The following MPST variants were observed in gnomAD, a reference collection of about 807,000 sequenced individuals.
MPST encodes mercaptopyruvate sulfurtransferase.
MPST carries 27 observed loss-of-function variants against 28.5 expected under a neutral mutation model. The observed-to-expected ratio is 0.95, with a 90% CI of 0.70 to 1.31. MPST has a LOEUF of 1.31. MPST is among the 50% of genes most tolerant of loss of function. The probability of loss-of-function intolerance (pLI) is 0.00; values close to 1 mark genes in which losing one functional copy is unlikely to be tolerated. For missense variants in MPST, 492 were observed against 471.1 expected (o/e 1.04, Z -0.41); for synonymous variants, 204 against 209.3 (o/e 0.97, Z 0.22).
rs1407439989 is a variant in MPST at position 37,029,313 on chromosome 22, T to C, written c.753T>C (p.His251=). The C allele has an allele frequency of 6.2e-7, 1 of 1,613,994 alleles. No homozygotes were observed. The highest frequency in any genetic ancestry group is 8.5e-7 in the Non-Finnish European group (1 of 1,180,032). ...GLEKSPEEIR[H]LFQEKKVDLS... is the part of the protein sequence containing the mutation. ...AGAAGAGCCCTGAGGAGATCCGCCA[T>C]CTGTTCCAGGAGAAGAAAGTGGACC... The change falls in exon 3 of 3, where the codon CAT becomes CAC. Residue 251 remains histidine (H), a synonymous_variant. Coordinates refer to ENST00000429360, the MANE Select transcript of MPST (RefSeq NM_021126.8).
rs1479809595 is a variant in MPST, at chr22:37,024,547, C to T, written c.392C>T (p.Pro131Leu). 1 of 1,573,182 alleles carries T rather than the reference C, an allele frequency of 6.4e-7. No homozygotes were observed. Among genetic ancestry groups the T allele is most frequent in the Admixed American group, 1.8e-5 (1 of 56,258 alleles). The change falls in exon 2 of 3, where the codon CCG becomes CTG. Residue 131 changes from proline (P) to leucine (L), a missense_variant. Transcript: ENST00000429360. ...DASDQGLYSA[P>L]RVWWMFRAFG... ...AGCGACCAGGGCCTCTACTCCGCCC[C>T]GCGCGTCTGGTGGATGTTCCGCGCC...
Position 37,029,461 on chromosome 22 carries a change from A to G in MPST, c.901A>G (p.Met301Val). ...IYDGSWVEWYMRARPEDVISE... is the reference protein window; with the variant it reads ...IYDGSWVEWYVRARPEDVISE... ...CGATGGCTCCTGGGTGGAGTGGTAC[A>G]TGCGCGCCCGGCCCGAGGATGTCAT... Residue 301 changes from methionine to valine, a missense_variant, in exon 3 of 3, where the codon ATG (methionine) becomes GTG (valine). By Grantham distance (21) the Met-to-Val change is conservative. Coordinates refer to ENST00000429360, the MANE Select transcript of MPST (RefSeq NM_021126.8). 6.2e-7 allele frequency: 1 copy of G among 1,612,676 alleles called. No homozygotes were observed. The highest frequency in any genetic ancestry group is 2.2e-5 in the East Asian group (1 of 44,858).
rs59832951 is a variant in MPST, at chr22:37,029,550, G to A, written c.*36G>A. 7.1e-3 allele frequency: 11,034 copies of A among 1,548,604 alleles called. 641 individuals are homozygous for A. The African/African-American group carries it at 0.13, about 19-fold the overall frequency. On this transcript the variant is annotated 3_prime_UTR_variant, in exon 3 of 3. Transcript: ENST00000429360. The stretch of plus-strand genomic sequence containing the variant: ...GACACAGGCGAGCTCAGGTGATGCC[G>A]GCCACCAGCAATGCCTGGCCTGGTA...
intron 2 of MPST, chr22:37,025,537 G>T: frequency 5.2e-6 from 1 of 190,494 alleles, no homozygotes; most frequent in Non-Finnish European, 1.1e-5. Flanking sequence ...GAAGCCTGTG[G>T]GTAAGCTCTG....
At position 37,024,828 on chromosome 22, in the gene MPST, G is replaced by T; in HGVS notation, c.655+18G>T. ...CCGAGACGGTAACGCGGGGGAAGGG[G>T]GCAGGAGGTCGTCGGGGGCGCGGCC... On this transcript the variant is annotated intron_variant, in intron 2 of 2. Coordinates refer to ENST00000429360, the MANE Select transcript of MPST (RefSeq NM_021126.8). 1 of 1,603,712 alleles carries T rather than the reference G, an allele frequency of 6.2e-7. No homozygotes were observed. Among genetic ancestry groups the T allele is most frequent in the Admixed American group, 1.7e-5 (1 of 59,714 alleles).
rs1189868580 is a variant in MPST at position 37,024,387 on chromosome 22, G to C, written c.232G>C (p.Ala78Pro). ...CGAGGAGCGCCACATCCCGGGCGCCGCTTTCTTCGACATCGACCAGTGCAG... is the reference window on the plus strand; with the variant it reads ...CGAGGAGCGCCACATCCCGGGCGCCCCTTTCTTCGACATCGACCAGTGCAG... ...EFEERHIPGAAFFDIDQCSDR... is the reference protein window; with the variant it reads ...EFEERHIPGAPFFDIDQCSDR... The change falls in exon 2 of 3, where the codon GCT becomes CCT. Residue 78 changes from alanine (A) to proline (P), a missense_variant. By Grantham distance (27) the Ala-to-Pro change is conservative (BLOSUM62 -1). Coordinates refer to ENST00000429360, the MANE Select transcript of MPST (RefSeq NM_021126.8). The C allele has an allele frequency of 6.5e-7, 1 of 1,544,062 alleles. No homozygotes were observed. The highest frequency in any genetic ancestry group is 2.4e-5 in the East Asian group (1 of 41,120).
chr22:37,029,482 G>A lies in MPST; in HGVS notation c.922G>A (p.Val308Ile). 1.9e-6 allele frequency: 3 copies of A among 1,610,018 alleles called. No homozygotes were observed. Among genetic ancestry groups the A allele is most frequent in the South Asian group, 1.1e-5 (1 of 90,854 alleles). ...GTACATGCGCGCCCGGCCCGAGGAT[G>A]TCATCTCAGAGGGCCGGGGGAAGAC... Reference protein sequence around the residue: ...EWYMRARPEDVISEGRGKTH With the variant: ...EWYMRARPEDIISEGRGKTH The change falls in exon 3 of 3, where the codon GTC becomes ATC. Residue 308 changes from valine (V) to isoleucine (I), a missense_variant. Transcript: ENST00000429360.
chr22:37,026,835 T>C (rs1025355168), intron 2 of MPST: 6 of 152,448 alleles, frequency 3.9e-5, no homozygotes, highest in African/African-American at 1.2e-4. Flanking sequence ...GCAGCTCCTG[T>C]GGGGGTGTCA....
Position 37,024,443 on chromosome 22 carries a change from G to C in MPST, c.288G>C (p.Leu96=). Reference sequence around the variant, plus strand: ...GCACCTCGCCCTACGACCACATGCTGCCCGGGGCCGAGCATTTCGCGGAGT... The same window carrying C: ...GCACCTCGCCCTACGACCACATGCTCCCCGGGGCCGAGCATTTCGCGGAGT... ...SDRTSPYDHM[L]PGAEHFAEYA... Residue 96 remains leucine, a synonymous_variant, in exon 2 of 3, where the codon CTG becomes CTC. Coordinates refer to ENST00000429360, the MANE Select transcript of MPST (RefSeq NM_021126.8). 1 of 1,546,776 alleles carries C rather than the reference G, an allele frequency of 6.5e-7. No individual in the cohort carries two copies. The highest frequency in any genetic ancestry group is 8.7e-7 in the Non-Finnish European group (1 of 1,144,664).
chr22:37,022,626 G>A (rs888667607), intron 1 of MPST, among the ~76,000 whole-genome samples: 145 of 152,300 alleles, frequency 9.5e-4, no homozygotes, highest in Non-Finnish European at 1.6e-4. Context: ...CTGTGACCAC[G>A]GGCAAGGCAC....
At chr22:37,020,100 C>G (rs1006512697) in intron 1 of MPST, 1 of 389,688 alleles carries the variant, frequency 2.6e-6, no homozygotes, top group African/African-American at 2.1e-5. Flanking sequence ...AAGTGGGTGA[C>G]CTGGTGGCAC....
rs1601465087 is a variant in MPST, at chr22:37,029,706, G to A, written c.*192G>A. 5 of 654,274 alleles carry A rather than the reference G, an allele frequency of 7.6e-6. No homozygotes were observed. Among genetic ancestry groups the A allele is most frequent in the African/African-American group, 1.8e-5 (1 of 54,930 alleles). 40.5% of individuals were successfully genotyped at this position (654,274 alleles called of 1,614,324 possible). Reference sequence around the variant, plus strand: ...TAGGGGCGGGAGGAAAGGCGGAGGCGAGCCCTGGAGGAGGGAGGCCACAAC... The same window carrying A: ...TAGGGGCGGGAGGAAAGGCGGAGGCAAGCCCTGGAGGAGGGAGGCCACAAC... On this transcript the variant is annotated 3_prime_UTR_variant, in exon 3 of 3. Transcript: ENST00000429360.
At chr22:37,023,938 T>A in intron 1 of MPST, 1 of 1,528,198 alleles carries the variant, frequency 6.5e-7, no homozygotes, top group Non-Finnish European at 8.8e-7. Context: ...GTGAGGGGCG[T>A]GGCCTGGGGC....
chr22:37,023,928 G>A, intron 1 of MPST: 2 of 1,522,240 alleles, frequency 1.3e-6, no homozygotes, highest in Non-Finnish European at 1.8e-6. Context: ...GCAAGTGGAG[G>A]TGAGGGGCGT....
In MPST at chr22:37,029,525, G is replaced by C. The variant is rs1209494800; in HGVS notation, c.*11G>C. The C allele has an allele frequency of 6.3e-7, 1 of 1,589,270 alleles. No homozygotes were observed. The highest frequency in any genetic ancestry group is 1.1e-5 in the South Asian group (1 of 89,452). On this transcript the variant is annotated 3_prime_UTR_variant, in exon 3 of 3. Transcript: ENST00000429360. ...GGGAAGACCCACTGAAGCTGGGCAG[G>C]ACACAGGCGAGCTCAGGTGATGCCG... is the stretch of plus-strand genomic sequence containing the variant.
At chr22:37,022,625 C>T (rs1047318603) in intron 1 of MPST, among the ~76,000 whole-genome samples, 1 of 152,180 alleles carries the variant, frequency 6.6e-6, no homozygotes, top group East Asian at 1.9e-4. Context: ...CCTGTGACCA[C>T]GGGCAAGGCA....
intron 1 of MPST, among the ~76,000 whole-genome samples, chr22:37,021,717 C>T (rs1218422877): frequency 6.6e-6 from 1 of 152,072 alleles, no homozygotes. Flanking sequence ...GTTATCCGCC[C>T]GCCTTGGCCT....
At chr22:37,028,813 T>G in intron 2 of MPST, 3 of 174,966 alleles carry the variant, frequency 1.7e-5, no homozygotes, top group Non-Finnish European at 3.7e-5. Context: ...CCATTATGCT[T>G]GTAATTATTC....
Position 37,029,232 on chromosome 22 carries a change from C to T in MPST, c.672C>T (p.His224=), listed in dbSNP as rs1401316336. Residue 224 remains histidine, a synonymous_variant, in exon 3 of 3, where the codon CAC becomes CAT. Transcript: ENST00000429360. Reference sequence around the variant, plus strand: ...CTGCTGTAGGCATTGAACCTGGCCACATCCCAGGTACCGTGAACATCCCCT... The same window carrying T: ...CTGCTGTAGGCATTGAACCTGGCCATATCCCAGGTACCGTGAACATCCCCT... ...PEPRDGIEPG[H]IPGTVNIPFT... 3 of 1,614,070 alleles carry T rather than the reference C, an allele frequency of 1.9e-6. No homozygotes were observed. The highest frequency in any genetic ancestry group is 1.1e-5 in the South Asian group (1 of 91,060).
Sources: gnomAD v4.1 joint callset for allele counts (sites outside exome capture counted in the v4.1 genomes callset) on GRCh38, gnomAD v4.1.1 for gene constraint, MANE v1.5 for transcripts, NCBI Gene and HGNC (gene_info 2026-07-23, HGNC 2026-07-21) for gene names.